Variants in CLVS1 observed in about 807,000 individuals in gnomAD.
CLVS1 encodes the protein clavesin-1.
CLVS1 carries 10 observed loss-of-function variants against 33.1 expected under a neutral mutation model. The ratio of observed to expected loss-of-function variants is 0.30; its 90% CI spans 0.19 to 0.51. The LOEUF is 0.51. Among genes scored for constraint, CLVS1 ranks in the 20% least tolerant of loss-of-function variants. CLVS1 has a pLI of 0.97. For synonymous variants in CLVS1, 163 were observed against 166.1 expected (o/e 0.98, Z 0.14); for missense variants, 343 against 433.4 (o/e 0.79, Z 1.85).
intron 2 of CLVS1, among the ~76,000 whole-genome samples, chr8:61,302,710 T>C (rs1453273936): frequency 1.3e-5 from 2 of 152,260 alleles, no homozygotes; most frequent in African/African-American, 4.8e-5. Flanking sequence ...TAGTCCATTC[T>C]TGCATTGCTA....
rs531463792 is a variant in CLVS1, at chr8:61,166,191, G to A, written c.-152+34331G>A. ...CACCCAGGCTGGAGTGCAGTGGCAC[G>A]ATCTCGGCTCACTGCAACCTCTGCC... On this transcript the variant is annotated intron_variant, in intron 2 of 2. Coordinates refer to the CLVS1 transcript ENST00000522621. 9.5e-4 allele frequency among the ~76,000 whole-genome samples: 144 copies of A among 151,640 alleles called. 1 individual carries two copies. The highest frequency in any genetic ancestry group is 3.4e-3 in the African/African-American group (141 of 41,330).
intron 2 of CLVS1, among the ~76,000 whole-genome samples, chr8:61,166,456 T>TCTC (rs546392372): frequency 3.3e-5 from 5 of 152,312 alleles, no homozygotes; most frequent in Admixed American, 3.3e-4. Context: ...TTTATTTTGG[T>TCTC]CTCATGTGCT....
intron 2 of CLVS1, among the ~76,000 whole-genome samples, chr8:61,350,629 ATCT>A (rs1001037515): frequency 2.6e-4 from 40 of 152,278 alleles, no homozygotes; most frequent in African/African-American, 9.1e-4. Context: ...TAGAAAATAC[ATCT>A]TCTCTTTTCC....
chr8:61,307,023 GT>G (rs1306656814), intron 2 of CLVS1, among the ~76,000 whole-genome samples: 1 of 152,128 alleles, frequency 6.6e-6, no homozygotes, highest in Non-Finnish European at 1.5e-5. Context: ...TACCTATTAT[GT>G]TTATTATATT....
intron 1 of CLVS1, among the ~76,000 whole-genome samples, chr8:61,077,441 GTATTATTAT>G (rs57149995): frequency 0.1 from 13,808 of 138,206 alleles, 689 homozygotes; most frequent in Middle Eastern, 0.12. Context: ...CCCTCTAAAA[GTATTATTAT>G]TATTATTATT....
chr8:61,232,041 T>TTTTTGTTTTTTG (rs1808454347), intron 2 of CLVS1, among the ~76,000 whole-genome samples: 4 of 116,004 alleles, frequency 3.4e-5, no homozygotes, highest in East Asian at 2.7e-4. Flanking sequence ...TTTTTTTTTT[T>TTTTTGTTTTTTG]TTTTTTTTTG....
chr8:61,177,284 G>C (rs537912480), intron 2 of CLVS1, among the ~76,000 whole-genome samples: 1 of 152,170 alleles, frequency 6.6e-6, no homozygotes, highest in Admixed American at 6.5e-5. Context: ...GGGCCTCCCT[G>C]CAGGAACTTC....
At chr8:61,146,386 T>C (rs1331871919) in intron 2 of CLVS1, among the ~76,000 whole-genome samples, 1 of 152,152 alleles carries the variant, frequency 6.6e-6, no homozygotes, top group Non-Finnish European at 1.5e-5. Flanking sequence ...TTCCAATTGA[T>C]ACTGGAAGGC....
chr8:61,019,200 T>C, the CLVS1 span, among the ~76,000 whole-genome samples: 2 of 152,258 alleles, frequency 1.3e-5, no homozygotes, highest in African/African-American at 4.8e-5. Flanking sequence ...AGGCAGTCCA[T>C]GGAGAGTCGT....
chr8:61,009,650 G>T, the CLVS1 span, among the ~76,000 whole-genome samples: 3 of 151,992 alleles, frequency 2.0e-5, no homozygotes, highest in African/African-American at 4.8e-5. Context: ...CTCTTTATGG[G>T]GCATGAACCC....
intron 3 of CLVS1, among the ~76,000 whole-genome samples, chr8:61,413,236 C>T (rs906426117): frequency 3.3e-5 from 5 of 152,110 alleles, no homozygotes; most frequent in Admixed American, 6.5e-5. Flanking sequence ...ATTTTATGGG[C>T]AACTCATATG....
chr8:61,034,572 G>A, the CLVS1 span, among the ~76,000 whole-genome samples: 8 of 152,072 alleles, frequency 5.3e-5, no homozygotes, highest in African/African-American at 1.9e-4. Context: ...CTCTCTGCTT[G>A]TATGCATTCG....
chr8:61,277,202 T>C (rs930042960), intron 2 of CLVS1, among the ~76,000 whole-genome samples: 4 of 152,156 alleles, frequency 2.6e-5, no homozygotes, highest in Non-Finnish European at 5.9e-5. Flanking sequence ...GCTTTTGCCC[T>C]CACCCTGTGC....
chr8:61,487,110 T>C (rs1440576251), intron 5 of CLVS1, among the ~76,000 whole-genome samples: 1 of 152,136 alleles, frequency 6.6e-6, no homozygotes, highest in Non-Finnish European at 1.5e-5. Flanking sequence ...GGGCTGGGTC[T>C]GAGAATCTGC....
chr8:61,337,502 T>G (rs1434533327), intron 2 of CLVS1, among the ~76,000 whole-genome samples: 2 of 152,012 alleles, frequency 1.3e-5, no homozygotes, highest in African/African-American at 2.4e-5. Context: ...TGCTTTAGAG[T>G]GACTGCCCCT....
chr8:61,121,437 C>G (rs893521454), intron 1 of CLVS1, among the ~76,000 whole-genome samples: 1 of 152,060 alleles, frequency 6.6e-6, no homozygotes, highest in Admixed American at 6.6e-5. Flanking sequence ...TGGATTTACT[C>G]TGTGTGTGTG....
At chr8:61,226,249 T>C (rs1036416849) in intron 2 of CLVS1, among the ~76,000 whole-genome samples, 7 of 152,228 alleles carry the variant, frequency 4.6e-5, no homozygotes, top group African/African-American at 1.7e-4. Flanking sequence ...GGTCATATCA[T>C]TAGTTTTATA....
intron 5 of CLVS1, among the ~76,000 whole-genome samples, chr8:61,484,637 A>G (rs1211213369): frequency 6.6e-6 from 1 of 152,196 alleles, no homozygotes; most frequent in African/African-American, 2.4e-5. Flanking sequence ...CATTGCCAAG[A>G]CAATCCTAAC....
chr8:61,331,176 G>T (rs1026351040), intron 2 of CLVS1, among the ~76,000 whole-genome samples: 1 of 152,160 alleles, frequency 6.6e-6, no homozygotes, highest in Non-Finnish European at 1.5e-5. Flanking sequence ...AATTTTGGAG[G>T]CATTTCTCAT....
Sources: gnomAD v4.1 joint callset for allele counts (sites outside exome capture counted in the v4.1 genomes callset) on GRCh38, gnomAD v4.1.1 for gene constraint, MANE v1.5 for transcripts, NCBI Gene and HGNC (gene_info 2026-07-23, HGNC 2026-07-21) for gene names.